TTC5: variants seen among roughly 807,000 people sequenced by gnomAD.
TTC5 encodes the protein tetratricopeptide repeat protein 5.
A neutral mutation model predicts 57.4 loss-of-function variants in TTC5; 46 were observed. That is an observed-to-expected ratio of 0.80 (90% CI 0.63 to 1.03). TTC5 has a LOEUF of 1.03. Ranked by LOEUF, TTC5 falls within the 50% of genes least tolerant of loss-of-function variation. The pLI, the probability that TTC5 is intolerant of heterozygous loss-of-function variation, is 0.00. For missense variants in TTC5, 504 were observed against 528.1 expected (o/e 0.95, Z 0.45); for synonymous variants, 190 against 203.5 (o/e 0.93, Z 0.57).
rs934497922 is a variant in TTC5 at position 20,305,889 on chromosome 14, G to T, written c.49C>A (p.Gln17Lys). Residue 17 changes from glutamine to lysine, a missense_variant and splice_region_variant, in exon 1 of 10, where the codon CAG becomes AAG. Transcript: ENST00000258821. ...CAGAATTTAATCTACGGCCCCACCT[G>T]CAATTTCTGCAAGATCGGCTTGACT... ...EEVKPILQKL[Q>K]ELVDQLYSFR... is the part of the protein sequence containing the mutation. The T allele has an allele frequency of 4.3e-6, 7 of 1,613,942 alleles. No individual in the cohort carries two copies. The highest frequency in any genetic ancestry group is 5.1e-6 in the Non-Finnish European group (6 of 1,179,918).
intron 1 of TTC5, among the ~76,000 whole-genome samples, chr14:20,303,727 C>T (rs1400305384): frequency 6.6e-6 from 1 of 152,176 alleles, no homozygotes; most frequent in Non-Finnish European, 1.5e-5. Flanking sequence ...AGAATAAAAT[C>T]CAAGTCCTTA....
intron 5 of TTC5, among the ~76,000 whole-genome samples, chr14:20,296,688 T>C (rs1882071083): frequency 6.6e-6 from 1 of 152,184 alleles, no homozygotes; most frequent in Non-Finnish European, 1.5e-5. Context: ...ATCCATGTAG[T>C]AGTATTAAGA....
chr14:20,302,009 G>A, intron 1 of TTC5, 44 bp from the exon 2 acceptor site: 2 of 1,608,880 alleles, frequency 1.2e-6, no homozygotes, highest in East Asian at 4.5e-5. Context: ...AAGATCACTG[G>A]ATAGGGAAAC....
At chr14:20,302,529 G>C (rs560550997) in intron 1 of TTC5, among the ~76,000 whole-genome samples, 27 of 152,298 alleles carry the variant, frequency 1.8e-4, no homozygotes, top group African/African-American at 6.5e-4. Context: ...TGGTATCTTT[G>C]CAGCATTTTG....
chr14:20,300,585 A>G (rs1882168333), intron 3 of TTC5, 22 bp downstream of exon 3: 2 of 1,588,804 alleles, frequency 1.3e-6, no homozygotes, highest in South Asian at 1.1e-5. Flanking sequence ...TCTGCTTTCC[A>G]AAGGGATAGG....
chr14:20,287,649 A>G lies in TTC5; in HGVS notation c.*1978T>C, dbSNP rs1016034298. 6.6e-6 allele frequency: 1 copy of G among 151,638 alleles called. No individual in the cohort carries two copies. The highest frequency in any genetic ancestry group is 2.4e-5 in the African/African-American group (1 of 41,270). 9.4% of individuals were successfully genotyped at this position (151,638 alleles called of 1,614,324 possible). A position where few individuals can be genotyped will look rare whatever the true frequency, so the allele number is the denominator to read the frequency against. On this transcript the variant is annotated 3_prime_UTR_variant, in exon 10 of 10. Transcript: ENST00000258821. ...TTTGCATACTTACTTGTTTGTACGC[A>G]CTGCTTCTCTGTGGCTACCACCTAC...
At chr14:20,300,197 C>T (rs1239348003) in intron 3 of TTC5, 2 of 98,612 alleles carry the variant, frequency 2.0e-5, no homozygotes, top group African/African-American at 7.8e-5. Flanking sequence ...CAAGGTCTCA[C>T]CATGTTGCCT....
At chr14:20,295,237 C>A in intron 8 of TTC5, 75 bp downstream of exon 8, 1 of 1,385,676 alleles carries the variant, frequency 7.2e-7, no homozygotes, top group Non-Finnish European at 1.0e-6. Context: ...ATCTCCTCAA[C>A]TGCCAGGGAA....
Position 20,289,440 on chromosome 14 carries a change from A to T in TTC5, c.*187T>A. On this transcript the variant is annotated 3_prime_UTR_variant, in exon 10 of 10. Transcript: ENST00000258821. Reference sequence around the variant, plus strand: ...ATGCCAGAAGAGTATGTGGCCCTGTAGAGAGCTGGAACATGATGAGGACAG... The same window carrying T: ...ATGCCAGAAGAGTATGTGGCCCTGTTGAGAGCTGGAACATGATGAGGACAG... 2 of 545,574 alleles carry T rather than the reference A, an allele frequency of 3.7e-6. No individual in the cohort carries two copies. Among genetic ancestry groups the T allele is most frequent in the South Asian group, 4.1e-5 (1 of 24,266 alleles). The allele number at this position is 545,574 out of a possible 1,614,324, so 33.8% of individuals were successfully genotyped here.
chr14:20,290,983 G>A (rs918214055), intron 9 of TTC5, among the ~76,000 whole-genome samples: 3 of 152,042 alleles, frequency 2.0e-5, no homozygotes, highest in Non-Finnish European at 4.4e-5. Context: ...TGAATTTCCT[G>A]TAATTTTCAC....
intron 2 of TTC5, 122 bp downstream of exon 2, chr14:20,301,711 G>A (rs3825766): frequency 0.73 from 915,127 of 1,245,106 alleles, 337,754 homozygotes; most frequent in Admixed American, 0.82. Context: ...CTGAGAAGTA[G>A]TATTACGTTG....
At chr14:20,290,305 G>C (rs1300527238) in intron 9 of TTC5, among the ~76,000 whole-genome samples, 3 of 152,178 alleles carry the variant, frequency 2.0e-5, no homozygotes, top group Admixed American at 6.5e-5. Flanking sequence ...TGTATTTTAA[G>C]TTGTAAAACA....
chr14:20,300,667 C>T lies in TTC5; in HGVS notation c.336G>A (p.Val112=), dbSNP rs1485588119. 5.0e-6 allele frequency: 8 copies of T among 1,614,060 alleles called. No individual in the cohort carries two copies. The highest frequency in any genetic ancestry group is 2.2e-5 in the East Asian group (1 of 44,878). ...CTGCAACATCCCCTTTTTTCCAGTA[C>T]ACCTCACCCAGCTGGTTCCAGGCTT... is the stretch of plus-strand genomic sequence containing the variant. ...LVEAWNQLGE[V]YWKKGDVAAA... Residue 112 remains valine, a synonymous_variant, in exon 3 of 10, where the codon GTG becomes GTA. Coordinates refer to ENST00000258821, the MANE Select transcript of TTC5 (RefSeq NM_138376.3).
In TTC5 at chr14:20,295,370, C is replaced by T. The variant is rs1882038520; in HGVS notation, c.1000G>A (p.Gly334Ser). 2.5e-6 allele frequency: 4 copies of T among 1,614,158 alleles called. No individual in the cohort carries two copies. The highest frequency in any genetic ancestry group is 1.1e-5 in the South Asian group (1 of 91,078). ...LSTLQPGVNS[G>S]AVILGKVVFS... ...ACCACCTTTCCCAGGATGACGGCAC[C>T]GCTGTTCACCCCAGGCTGAAGCGTA... Residue 334 changes from glycine (G) to serine (S), a missense_variant, in exon 8 of 10, where the codon GGT becomes AGT. Coordinates refer to ENST00000258821, the MANE Select transcript of TTC5 (RefSeq NM_138376.3).
rs747955856 is a variant in TTC5, at chr14:20,287,469, G to C, written c.*2158C>G. On this transcript the variant is annotated 3_prime_UTR_variant, in exon 10 of 10. Transcript: ENST00000258821. ...TTAACAACAGGATGAATAAATTATG[G>C]TATAATCATACAATGAGATTTATAT... 2.0e-5 allele frequency: 3 copies of C among 152,152 alleles called. No individual in the cohort carries two copies. Among genetic ancestry groups the C allele is most frequent in the Non-Finnish European group, 4.4e-5 (3 of 68,032 alleles). The allele number at this position is 152,152 out of a possible 1,614,324, so 9.4% of individuals were successfully genotyped here. A position where few individuals can be genotyped will look rare whatever the true frequency, so the allele number is the denominator to read the frequency against.
Position 20,288,864 on chromosome 14 carries a change from C to T in TTC5, c.*763G>A, listed in dbSNP as rs1339786151. The T allele has an allele frequency of 2.6e-5, 4 of 152,190 alleles. No individual in the cohort carries two copies. The highest frequency in any genetic ancestry group is 1.9e-4 in the East Asian group (1 of 5,204). The allele number at this position is 152,190 out of a possible 1,614,324, so 9.4% of individuals were successfully genotyped here. On this transcript the variant is annotated 3_prime_UTR_variant, in exon 10 of 10. Coordinates refer to ENST00000258821, the MANE Select transcript of TTC5 (RefSeq NM_138376.3). ...CTTCAGCCTAGTAACACTATTAGAACAGTATTGCTCTGTCATCTTGGACCA... is the reference window on the plus strand; with the variant it reads ...CTTCAGCCTAGTAACACTATTAGAATAGTATTGCTCTGTCATCTTGGACCA...
In TTC5 at chr14:20,291,974, A is replaced by G. The variant is rs201867167; in HGVS notation, c.1203+9T>C. The G allele has an allele frequency of 1.3e-6, 2 of 1,561,204 alleles. No individual in the cohort carries two copies. Among genetic ancestry groups the G allele is most frequent in the Non-Finnish European group, 1.7e-6 (2 of 1,156,466 alleles). Reference sequence around the variant, plus strand: ...TACGAGTTGTAAGAGAATCCTAGCCATTGCTCACCTTTCCTTTGTGCTGAA... The same window carrying G: ...TACGAGTTGTAAGAGAATCCTAGCCGTTGCTCACCTTTCCTTTGTGCTGAA... On this transcript the variant is annotated intron_variant, in intron 9 of 9. Coordinates refer to ENST00000258821, the MANE Select transcript of TTC5 (RefSeq NM_138376.3).
chr14:20,290,072 G>T (rs976773009), intron 9 of TTC5, among the ~76,000 whole-genome samples: 2 of 152,100 alleles, frequency 1.3e-5, no homozygotes, highest in Non-Finnish European at 2.9e-5. Flanking sequence ...CTTTTCCCAC[G>T]GTGTTTCCTG....
At chr14:20,302,687 T>C (rs527908260) in intron 1 of TTC5, among the ~76,000 whole-genome samples, 3 of 152,274 alleles carry the variant, frequency 2.0e-5, no homozygotes, top group East Asian at 3.9e-4. Context: ...GCTTTTCTAC[T>C]ACAGGTCAAG....
Sources: gnomAD v4.1 joint callset for allele counts (sites outside exome capture counted in the v4.1 genomes callset) on GRCh38, gnomAD v4.1.1 for gene constraint, MANE v1.5 for transcripts, NCBI Gene and HGNC (gene_info 2026-07-23, HGNC 2026-07-21) for gene names.